Variants in NRG1 observed in about 807,000 individuals in gnomAD.
NRG1 encodes the protein pro-neuregulin-1, membrane-bound isoform.
NRG1 carries 18 observed loss-of-function variants against 63.8 expected under a neutral mutation model. That is an observed-to-expected ratio of 0.28 (90% CI 0.19 to 0.42). NRG1 has a LOEUF of 0.42. Among genes scored for constraint, NRG1 ranks in the 10% least tolerant of loss-of-function variants. The pLI, the probability that NRG1 is intolerant of heterozygous loss-of-function variation, is 1.00. For missense variants in NRG1, 762 were observed against 814.7 expected (o/e 0.94, Z 0.79); for synonymous variants, 302 against 301.3 (o/e 1.00, Z -0.02).
intron 1 of NRG1, among the ~76,000 whole-genome samples, chr8:32,345,114 A>G (rs1804716948): frequency 6.6e-6 from 1 of 152,212 alleles, no homozygotes; most frequent in Non-Finnish European, 1.5e-5. Context: ...ATGTTGATGC[A>G]GTTCTAGAGT....
chr8:32,342,065 C>G (rs886769251), intron 1 of NRG1, among the ~76,000 whole-genome samples: 1 of 152,156 alleles, frequency 6.6e-6, no homozygotes, highest in Non-Finnish European at 1.5e-5. Flanking sequence ...ACCCCCTCCT[C>G]TTTATTTTTT....
At chr8:32,396,186 C>T (rs1020761384) in intron 1 of NRG1, among the ~76,000 whole-genome samples, 1 of 152,116 alleles carries the variant, frequency 6.6e-6, no homozygotes, top group African/African-American at 2.4e-5. Flanking sequence ...TCTTTTTAGA[C>T]ATTTTTTTTG....
At chr8:31,801,634 T>C (rs1821799137) in intron 1 of NRG1, among the ~76,000 whole-genome samples, 1 of 152,154 alleles carries the variant, frequency 6.6e-6, no homozygotes, top group Non-Finnish European at 1.5e-5. Context: ...TCCAAACCAA[T>C]CTTTGGTATC....
intron 1 of NRG1, among the ~76,000 whole-genome samples, chr8:31,759,067 C>T (rs1313668604): frequency 6.6e-6 from 1 of 152,074 alleles, no homozygotes; most frequent in Non-Finnish European, 1.5e-5. Context: ...TGTAAAATAT[C>T]TATGTCTTTT....
chr8:32,139,524 G>C (rs1191212511), intron 1 of NRG1: 1 of 152,180 alleles, frequency 6.6e-6, no homozygotes, highest in Admixed American at 6.5e-5. Flanking sequence ...AAATATCACT[G>C]TTACATATAG....
At chr8:32,091,765 G>A (rs1423837081) in intron 1 of NRG1, among the ~76,000 whole-genome samples, 1 of 152,188 alleles carries the variant, frequency 6.6e-6, no homozygotes, top group African/African-American at 2.4e-5. Flanking sequence ...AAAGCAAATT[G>A]CCTAACATTT....
At chr8:32,203,865 G>A (rs2046202) in intron 1 of NRG1, among the ~76,000 whole-genome samples, 10,133 of 152,172 alleles carry the variant, frequency 0.067, 645 homozygotes, top group African/African-American at 0.17. Context: ...GAGCTTGAAC[G>A]TGGATCCAGT....
At chr8:31,805,079 C>A (rs1274785929) in intron 1 of NRG1, among the ~76,000 whole-genome samples, 1 of 152,116 alleles carries the variant, frequency 6.6e-6, no homozygotes, top group African/African-American at 2.4e-5. Context: ...GTTATCCTTT[C>A]AATTCTGAGT....
intron 1 of NRG1, among the ~76,000 whole-genome samples, chr8:32,120,188 A>G (rs1251924743): frequency 6.6e-6 from 1 of 152,138 alleles, no homozygotes; most frequent in African/African-American, 2.4e-5. Context: ...CACATGCCTT[A>G]GTATTATGAA....
chr8:32,206,560 GA>G (rs1264912401), intron 1 of NRG1, among the ~76,000 whole-genome samples: 1 of 152,174 alleles, frequency 6.6e-6, no homozygotes, highest in Non-Finnish European at 1.5e-5. Flanking sequence ...ACTTAGAAAA[GA>G]AAAGTCTTCT....
chr8:32,128,818 C>T (rs1370829034), intron 1 of NRG1, among the ~76,000 whole-genome samples: 1 of 151,952 alleles, frequency 6.6e-6, no homozygotes, highest in Non-Finnish European at 1.5e-5. Flanking sequence ...CTGTGCCTTT[C>T]ATCTCTGACC....
intron 1 of NRG1, among the ~76,000 whole-genome samples, chr8:31,975,110 A>T (rs1483297809): frequency 6.6e-6 from 1 of 152,184 alleles, no homozygotes; most frequent in African/African-American, 2.4e-5. Context: ...GTGTAGAATT[A>T]TTTGATACCT....
intron 1 of NRG1, among the ~76,000 whole-genome samples, chr8:32,425,690 G>T (rs866339118): frequency 7.2e-5 from 11 of 152,258 alleles, no homozygotes; most frequent in Middle Eastern, 3.4e-3. Flanking sequence ...GAAAAAACTT[G>T]TTAAATCATG....
chr8:32,125,064 C>T (rs1833909835), intron 1 of NRG1, among the ~76,000 whole-genome samples: 1 of 151,906 alleles, frequency 6.6e-6, no homozygotes, highest in African/African-American at 2.4e-5. Context: ...TAACTTAGGC[C>T]CTTTTTGCCT....
At chr8:31,710,879 G>T (rs1811670820) in intron 1 of NRG1, among the ~76,000 whole-genome samples, 1 of 151,972 alleles carries the variant, frequency 6.6e-6, no homozygotes, top group East Asian at 1.9e-4. Context: ...TTGCTTTCAT[G>T]TTTGCTTTAT....
intron 1 of NRG1, among the ~76,000 whole-genome samples, chr8:32,082,919 A>G (rs1399139369): frequency 6.6e-6 from 1 of 152,206 alleles, no homozygotes; most frequent in Non-Finnish European, 1.5e-5. Context: ...AAATAAATAC[A>G]TATGTCAACA....
intron 1 of NRG1, among the ~76,000 whole-genome samples, chr8:31,895,557 T>C (rs1831513608): frequency 6.6e-6 from 1 of 152,252 alleles, no homozygotes; most frequent in Non-Finnish European, 1.5e-5. Context: ...CAGCCTTTAG[T>C]CTGATCTTCA....
At chr8:32,423,901 T>C (rs1477574710) in intron 1 of NRG1, among the ~76,000 whole-genome samples, 1 of 152,184 alleles carries the variant, frequency 6.6e-6, no homozygotes, top group Non-Finnish European at 1.5e-5. Context: ...ATAACATATT[T>C]TCCTCAAATT....
In NRG1 at chr8:32,608,101, T is replaced by TGG. The variant is rs796560560; in HGVS notation, c.400+2418_400+2419insGG. Among the ~76,000 whole-genome samples, 174 of 125,140 alleles carry TGG rather than the reference T, an allele frequency of 1.4e-3. 2 individuals carry two copies. The highest frequency in any genetic ancestry group is 2.2e-3 in the Non-Finnish European group (138 of 61,998). 82.1% of individuals were successfully genotyped at this position (125,140 alleles called of 152,430 possible). A position where few individuals can be genotyped will look rare whatever the true frequency, so the allele number is the denominator to read the frequency against. On this transcript the variant is annotated intron_variant, in intron 3 of 11. Transcript: ENST00000356819. ...AACCCAGGTTTTTTTTGTTTTTTTTTTTTTTGTTTTTTTTTTTTTTTGCTT... is the reference window on the plus strand; with the variant it reads ...AACCCAGGTTTTTTTTGTTTTTTTTTGGTTTTTGTTTTTTTTTTTTTTTGCTT...
Sources: allele counts gnomAD v4.1 joint callset (sites outside exome capture counted in the v4.1 genomes callset), GRCh38; gene constraint gnomAD v4.1.1; transcripts MANE v1.5; gene names NCBI Gene and HGNC (gene_info 2026-07-23, HGNC 2026-07-21).